The following KCNJ3 variants were observed in gnomAD, a reference collection of about 807,000 sequenced individuals.
The protein encoded by KCNJ3 is potassium inwardly rectifying channel subfamily J member 3.
Under a neutral mutation model 39.2 loss-of-function variants are expected in KCNJ3, and 4 were observed. That is an observed-to-expected ratio of 0.10 (90% CI 0.05 to 0.23). The LOEUF is 0.23. KCNJ3 is among the 10% of genes least tolerant of loss of function. The pLI is 1.00. For synonymous variants in KCNJ3, 230 were observed against 237.4 expected (o/e 0.97, Z 0.29); for missense variants, 276 against 634.9 (o/e 0.43, Z 6.08).
At chr2:154,826,235 C>T (rs1347968193) in intron 2 of KCNJ3, among the ~76,000 whole-genome samples, 1 of 152,018 alleles carries the variant, frequency 6.6e-6, no homozygotes, top group Non-Finnish European at 1.5e-5. Flanking sequence ...TTAGAAGGGG[C>T]ACAGATGAAT....
intron 2 of KCNJ3, among the ~76,000 whole-genome samples, chr2:154,793,954 T>TC (rs965437587): frequency 3.3e-5 from 5 of 152,032 alleles, no homozygotes; most frequent in African/African-American, 1.2e-4. Flanking sequence ...TATTTTTTTT[T>TC]CCTGAAGCAA....
chr2:154,790,459 T>A (rs954428562), intron 2 of KCNJ3, among the ~76,000 whole-genome samples: 4 of 152,070 alleles, frequency 2.6e-5, no homozygotes, highest in African/African-American at 9.7e-5. Context: ...CTGAATCTGA[T>A]GCCCTTGAAC....
chr2:154,805,787 C>T (rs951473532), intron 2 of KCNJ3, among the ~76,000 whole-genome samples: 2 of 151,994 alleles, frequency 1.3e-5, no homozygotes, highest in East Asian at 1.9e-4. Flanking sequence ...ATCAAATTTA[C>T]ATGAAGTGAT....
chr2:154,795,408 C>T (rs1365763502), intron 2 of KCNJ3, among the ~76,000 whole-genome samples: 1 of 151,722 alleles, frequency 6.6e-6, no homozygotes, highest in African/African-American at 2.4e-5. Flanking sequence ...CCATTTATGT[C>T]TTAAGGAAAT....
intron 2 of KCNJ3, among the ~76,000 whole-genome samples, chr2:154,767,384 G>T (rs1201922240): frequency 1.3e-5 from 2 of 151,900 alleles, no homozygotes; most frequent in Admixed American, 6.6e-5. Flanking sequence ...CCCATCCTGT[G>T]TCCAAGTGTT....
intron 2 of KCNJ3, among the ~76,000 whole-genome samples, chr2:154,758,046 A>C (rs61372751): frequency 1.3e-5 from 2 of 149,236 alleles, no homozygotes; most frequent in Non-Finnish European, 3.0e-5. Flanking sequence ...AGCATTTCAA[A>C]TTTATTGGAC....
chr2:154,780,598 AG>A (rs145712221), intron 2 of KCNJ3, among the ~76,000 whole-genome samples: 1,715 of 149,218 alleles, frequency 0.011, 32 homozygotes, highest in East Asian at 0.096. Flanking sequence ...AGCAAGAGTG[AG>A]GGGGGTTGGG....
At chr2:154,827,372 A>G (rs899071625) in intron 2 of KCNJ3, among the ~76,000 whole-genome samples, 4 of 152,248 alleles carry the variant, frequency 2.6e-5, no homozygotes, top group Non-Finnish European at 4.4e-5. Context: ...TTTCACTTGT[A>G]TGTTGATAAA....
At chr2:154,714,052 C>T (rs1453990378) in intron 2 of KCNJ3, among the ~76,000 whole-genome samples, 2 of 152,230 alleles carry the variant, frequency 1.3e-5, no homozygotes, top group East Asian at 3.9e-4. Flanking sequence ...TCATAGTTAG[C>T]TTCTCTTTCT....
chr2:154,732,264 TC>T (rs1176932375), intron 2 of KCNJ3, among the ~76,000 whole-genome samples: 1 of 152,156 alleles, frequency 6.6e-6, no homozygotes, highest in African/African-American at 2.4e-5. Flanking sequence ...GTCTTATTTA[TC>T]CCAGGACAAT....
chr2:154,842,311 G>C (rs1012393768), intron 2 of KCNJ3, among the ~76,000 whole-genome samples: 7 of 152,172 alleles, frequency 4.6e-5, no homozygotes, highest in African/African-American at 1.4e-4. Flanking sequence ...GAGACAGTTT[G>C]TTGTGATTTC....
At chr2:154,824,742 A>G (rs1334245267) in intron 2 of KCNJ3, among the ~76,000 whole-genome samples, 1 of 152,242 alleles carries the variant, frequency 6.6e-6, no homozygotes, top group Non-Finnish European at 1.5e-5. Context: ...TATGGAAATC[A>G]GGAAGCAGAA....
intron 2 of KCNJ3, among the ~76,000 whole-genome samples, chr2:154,847,850 T>C (rs1687686232): frequency 1.3e-5 from 2 of 152,194 alleles, no homozygotes; most frequent in Non-Finnish European, 2.9e-5. Context: ...GATTCAGTGT[T>C]TGATGTTAGG....
chr2:154,774,095 C>T (rs1466456209), intron 2 of KCNJ3, among the ~76,000 whole-genome samples: 1 of 152,120 alleles, frequency 6.6e-6, no homozygotes, highest in East Asian at 1.9e-4. Context: ...TTTAAAATTT[C>T]ATTCAGTAAT....
chr2:154,768,539 G>A (rs1225366313), intron 2 of KCNJ3, among the ~76,000 whole-genome samples: 1 of 152,082 alleles, frequency 6.6e-6, no homozygotes, highest in Non-Finnish European at 1.5e-5. Flanking sequence ...CTGTTCCATT[G>A]GTCTATATCT....
chr2:154,854,851 A>G lies in KCNJ3; in HGVS notation c.1044A>G (p.Thr348=), dbSNP rs753081195. The change falls in exon 3 of 3, where the codon ACA becomes ACG. Residue 348 remains threonine (T), a synonymous_variant. Transcript: ENST00000295101. ...FKVDYSQFHA[T]FEVPTPPYSV... ...TTGATTACTCCCAGTTCCATGCAAC[A>G]TTTGAAGTCCCCACCCCACCTTACA... The G allele has an allele frequency of 2.5e-6, 4 of 1,613,968 alleles. No homozygotes were observed. In the East Asian group the frequency reaches 8.9e-5, roughly 36 times the overall value.
intron 2 of KCNJ3, among the ~76,000 whole-genome samples, chr2:154,835,698 T>G (rs551825240): frequency 6.6e-6 from 1 of 151,984 alleles, no homozygotes; most frequent in Admixed American, 6.6e-5. Context: ...CTCCTTTCTC[T>G]CTCCCTTCCT....
chr2:154,774,833 A>G (rs1439740748), intron 2 of KCNJ3, among the ~76,000 whole-genome samples: 1 of 152,192 alleles, frequency 6.6e-6, no homozygotes, highest in Non-Finnish European at 1.5e-5. Flanking sequence ...TAGATAAACA[A>G]ATGTTGAAGT....
intron 2 of KCNJ3, among the ~76,000 whole-genome samples, chr2:154,747,665 C>A (rs543812967): frequency 6.6e-6 from 1 of 151,886 alleles, no homozygotes; most frequent in African/African-American, 2.4e-5. Flanking sequence ...GAGGTTATTG[C>A]TTTAATTTGA....
Sources: gnomAD v4.1 joint callset for allele counts (sites outside exome capture counted in the v4.1 genomes callset) on GRCh38, gnomAD v4.1.1 for gene constraint, MANE v1.5 for transcripts, NCBI Gene and HGNC (gene_info 2026-07-23, HGNC 2026-07-21) for gene names.